ADGRA3: variants seen among roughly 807,000 people sequenced by gnomAD.
The protein encoded by ADGRA3 is G-protein coupled receptor 125.
In ADGRA3, 56 loss-of-function variants were observed where a neutral mutation model predicts 119.8. That is an observed-to-expected ratio of 0.47 (90% CI 0.38 to 0.58). The LOEUF is 0.58. Ranked by LOEUF, ADGRA3 falls within the 20% of genes least tolerant of loss-of-function variation. ADGRA3 has a pLI of 0.00. For missense variants in ADGRA3, 1,516 were observed against 1,649.0 expected, an observed-to-expected ratio of 0.92 and a Z score of 1.40; for synonymous variants, 607 against 623.8, an observed-to-expected ratio of 0.97 and a Z score of 0.40.
chr4:22,402,528 A>C (rs1384026848), intron 15 of ADGRA3, 147 bp downstream of exon 15: 1 of 716,506 alleles, frequency 1.4e-6, no homozygotes, highest in Non-Finnish European at 2.3e-6. Context: ...AATGGCATGA[A>C]ATGAAGGCAT....
rs1198602965 is a variant in ADGRA3 at position 22,438,257 on chromosome 4, T to C, written c.1084A>G (p.Arg362Gly). The C allele has an allele frequency of 6.2e-7, 1 of 1,609,732 alleles. No homozygotes were observed. Among genetic ancestry groups the C allele is most frequent in the East Asian group, 2.2e-5 (1 of 44,860 alleles). The change falls in exon 8 of 19, where the codon AGA becomes GGA. Residue 362 changes from arginine to glycine, a missense_variant and splice_region_variant. Physicochemically the swap from Arg to Gly is moderately radical, Grantham distance 125. Coordinates refer to ENST00000334304, the MANE Select transcript of ADGRA3 (RefSeq NM_145290.4). The part of the protein sequence containing the change: ...ERVVNNKGDF[R>G]WPRTLAGITA... ...CCCCGTATTTTCCACAACACTGACC[T>C]GAAGTCACCTTTGTTGTTTACCACC...
chr4:22,513,870 A>AAAAAAAAAAAAAAAAC (rs1560356106), intron 1 of ADGRA3, among the ~76,000 whole-genome samples: 2 of 95,612 alleles, frequency 2.1e-5, no homozygotes, highest in African/African-American at 3.9e-5. Flanking sequence ...AAAAAAAAAA[A>AAAAAAAAAAAAAAAAC]AAAACTGGAT....
rs143944911 is a variant in ADGRA3, at chr4:22,476,021, GA to G, written c.258-2179del. On this transcript the variant is annotated intron_variant, in intron 1 of 18. Coordinates refer to ENST00000334304, the MANE Select transcript of ADGRA3 (RefSeq NM_145290.4). ...ATTGTATTCTGTCCCTCCACCACCC[GA>G]CAAAGCTATTTGTTAGTTACTAAAG... 3.9e-5 allele frequency among the ~76,000 whole-genome samples: 6 copies of G among 152,152 alleles called. No individual in the cohort carries two copies. In the East Asian group the frequency reaches 1.2e-3, roughly 29 times the overall value.
At chr4:22,497,244 G>C (rs145638059) in intron 1 of ADGRA3, among the ~76,000 whole-genome samples, 75 of 152,166 alleles carry the variant, frequency 4.9e-4, no homozygotes, top group African/African-American at 1.7e-3. Flanking sequence ...AAATAACACT[G>C]TGATATAATA....
chr4:22,498,560 G>T lies in ADGRA3; in HGVS notation c.257+16968C>A, dbSNP rs151188310. Reference sequence around the variant, plus strand: ...TTGAACCAGGAAGGCGGAGGTTGTAGTAAGCCGAGATTGTGCCACTGCAAT... The same window carrying T: ...TTGAACCAGGAAGGCGGAGGTTGTATTAAGCCGAGATTGTGCCACTGCAAT... On this transcript the variant is annotated intron_variant, in intron 1 of 18. Coordinates refer to ENST00000334304, the MANE Select transcript of ADGRA3 (RefSeq NM_145290.4). 6.2e-4 allele frequency among the ~76,000 whole-genome samples: 94 copies of T among 152,138 alleles called. 1 individual carries two copies. The highest frequency in any genetic ancestry group is 2.1e-3 in the African/African-American group (87 of 41,526).
At chr4:22,498,900 C>CGA (rs2109165120) in intron 1 of ADGRA3, among the ~76,000 whole-genome samples, 1 of 141,532 alleles carries the variant, frequency 7.1e-6, no homozygotes, top group South Asian at 2.4e-4. Flanking sequence ...GGCGACACAG[C>CGA]GAGACTCGTC....
chr4:22,413,602 T>G lies in ADGRA3; in HGVS notation c.2022A>C (p.Ile674=). 1 of 1,612,962 alleles carries G rather than the reference T, an allele frequency of 6.2e-7. No individual in the cohort carries two copies. Among genetic ancestry groups the G allele is most frequent in the Non-Finnish European group, 8.5e-7 (1 of 1,179,054 alleles). The change falls in exon 13 of 19, where the codon ATA becomes ATC. Residue 674 remains isoleucine (I), a splice_region_variant and synonymous_variant. Transcript: ENST00000334304. ...GGATAACATATGCCACATACAAACC[T>G]ATTTTGGTGAGAATCACAGGGGTAA... is the stretch of plus-strand genomic sequence containing the variant. ...TVVTPVILTK[I]DGVNVDTHHI... is the part of the protein sequence containing the mutation.
intron 1 of ADGRA3, among the ~76,000 whole-genome samples, chr4:22,508,340 T>C (rs919424661): frequency 2.6e-5 from 4 of 152,090 alleles, no homozygotes; most frequent in African/African-American, 4.8e-5. Flanking sequence ...GGAAGCAAAA[T>C]ATAAACTGCT....
rs1205759122 is a variant in ADGRA3, at chr4:22,420,897, G to C, written c.1798C>G (p.Leu600Val). 1.2e-6 allele frequency: 2 copies of C among 1,613,704 alleles called. No individual in the cohort carries two copies. The highest frequency in any genetic ancestry group is 1.7e-6 in the Non-Finnish European group (2 of 1,179,644). ...KCNVSNTFSSLALKNTIVEAS... is the reference protein window; with the variant it reads ...KCNVSNTFSSVALKNTIVEAS... The stretch of plus-strand genomic sequence containing the variant: ...AGAATGTAACATACCTTTAGTGCCA[G>C]ACTCGAAAATGTATTTGAAACATTG... Residue 600 changes from leucine (L) to valine (V), a missense_variant, in exon 12 of 19, where the codon CTG (leucine) becomes GTG (valine). Leu to Val is a conservative substitution (Grantham distance 32). This residue lies in a region of ADGRA3 where 1,088 missense variants were observed against 1,107.1 expected (regional missense o/e 0.98). Transcript: ENST00000334304.
At chr4:22,511,924 T>G (rs1719463134) in intron 1 of ADGRA3, among the ~76,000 whole-genome samples, 1 of 109,748 alleles carries the variant, frequency 9.1e-6, no homozygotes, top group Non-Finnish European at 1.7e-5. Flanking sequence ...TGAGACAGAG[T>G]CTCACTCTGT....
intron 1 of ADGRA3, among the ~76,000 whole-genome samples, chr4:22,484,078 A>T (rs1479301367): frequency 2.0e-5 from 3 of 152,224 alleles, no homozygotes; most frequent in Non-Finnish European, 2.9e-5. Context: ...TAAAGATGCT[A>T]AAGAAAAAGT....
chr4:22,458,256 C>G (rs141991196), intron 3 of ADGRA3, among the ~76,000 whole-genome samples: 10 of 152,248 alleles, frequency 6.6e-5, no homozygotes, highest in African/African-American at 2.4e-4. Context: ...CAGACAGAAG[C>G]ACAAAGAAAG....
intron 3 of ADGRA3, among the ~76,000 whole-genome samples, chr4:22,457,916 A>G (rs369873466): frequency 2.6e-5 from 4 of 152,218 alleles, no homozygotes; most frequent in African/African-American, 4.8e-5. Flanking sequence ...TCTTCAAACT[A>G]TATCTCAGCA....
At chr4:22,453,453 C>G (rs1292961589) in intron 4 of ADGRA3, among the ~76,000 whole-genome samples, 1 of 152,156 alleles carries the variant, frequency 6.6e-6, no homozygotes, top group African/African-American at 2.4e-5. Context: ...CTATGCAGCA[C>G]GAACATTCTG....
At chr4:22,467,913 T>C (rs1405173506) in intron 2 of ADGRA3, among the ~76,000 whole-genome samples, 1 of 152,180 alleles carries the variant, frequency 6.6e-6, no homozygotes, top group Non-Finnish European at 1.5e-5. Flanking sequence ...AAGTTCTTGG[T>C]AAAAGAACTA....
intron 16 of ADGRA3, among the ~76,000 whole-genome samples, chr4:22,397,048 G>A (rs1217181872): frequency 6.6e-6 from 1 of 152,100 alleles, no homozygotes; most frequent in Non-Finnish European, 1.5e-5. Context: ...AGGTTTGAAT[G>A]CCTTCTAATG....
chr4:22,500,033 G>A (rs1354424374), intron 1 of ADGRA3, among the ~76,000 whole-genome samples: 1 of 152,140 alleles, frequency 6.6e-6, no homozygotes, highest in African/African-American at 2.4e-5. Flanking sequence ...CATTTCCTAT[G>A]AGCATCATGT....
At chr4:22,470,746 A>G (rs1717829363) in intron 2 of ADGRA3, among the ~76,000 whole-genome samples, 2 of 152,220 alleles carry the variant, frequency 1.3e-5, no homozygotes, top group Non-Finnish European at 2.9e-5. Flanking sequence ...GGTGAAAATA[A>G]TGGCTTTACT....
chr4:22,408,297 T>G (rs953403223), intron 14 of ADGRA3, among the ~76,000 whole-genome samples: 4 of 151,696 alleles, frequency 2.6e-5, no homozygotes, highest in African/African-American at 9.7e-5. Flanking sequence ...AACCAAGAAA[T>G]TGTACTTCAG....
Sources: allele counts gnomAD v4.1 joint callset (sites outside exome capture counted in the v4.1 genomes callset), GRCh38; gene constraint gnomAD v4.1.1; regional missense constraint gnomAD v4.1.1; transcripts MANE v1.5; gene names NCBI Gene and HGNC (gene_info 2026-07-23, HGNC 2026-07-21).